SGCB: variants seen among roughly 807,000 people sequenced by gnomAD.
SGCB encodes the protein sarcoglycan beta.
A neutral mutation model predicts 27.3 loss-of-function variants in SGCB; 25 were observed. That is an observed-to-expected ratio of 0.92 (90% CI 0.67 to 1.28). The LOEUF is 1.28. Among genes scored for constraint, SGCB ranks in the 50% most tolerant of loss-of-function variants. The probability of loss-of-function intolerance (pLI) is 0.00; values close to 1 mark genes in which losing one functional copy is unlikely to be tolerated. For missense variants in SGCB, 436 were observed against 402.1 expected (o/e 1.08, Z -0.72); for synonymous variants, 147 against 133.5 (o/e 1.10, Z -0.70).
chr4:52,034,331 C>CAAAAAAAAAAAAAAAAAAA (rs541129158), intron 1 of SGCB, among the ~76,000 whole-genome samples: 1 of 26,516 alleles, frequency 3.8e-5, no homozygotes, highest in African/African-American at 1.4e-4. Flanking sequence ...GACTCCGTCT[C>CAAAAAAAAAAAAAAAAAAA]AAAAAAAAAA....
chr4:52,033,180 T>A (rs1427892393), intron 2 of SGCB, among the ~76,000 whole-genome samples: 1 of 152,208 alleles, frequency 6.6e-6, no homozygotes, highest in Non-Finnish European at 1.5e-5. Context: ...TTGAGCTAGG[T>A]GGGAGCCTCA....
Position 52,028,108 on chromosome 4 carries a change from T to G in SGCB, c.622-9A>C, listed in dbSNP as rs1263099101. The stretch of plus-strand genomic sequence containing the variant: ...GTAGCATTGCTGGTAATCTGAAAAT[T>G]TAAAAAACAAGTACTAAAAAGAGTT... On this transcript the variant is annotated splice_polypyrimidine_tract_variant and intron_variant, in intron 4 of 5. Coordinates refer to ENST00000381431, the MANE Select transcript of SGCB (RefSeq NM_000232.5). The G allele has an allele frequency of 6.2e-7, 1 of 1,605,322 alleles. No individual in the cohort carries two copies. The highest frequency in any genetic ancestry group is 2.2e-5 in the East Asian group (1 of 44,756).
chr4:52,024,153 C>T lies in SGCB; in HGVS notation c.761G>A (p.Ser254Asn). The change falls in exon 6 of 6, where the codon AGT becomes AAT. Residue 254 changes from serine (S) to asparagine (N), a missense_variant. Physicochemically the swap from Ser to Asn is conservative, Grantham distance 46. Coordinates refer to ENST00000381431, the MANE Select transcript of SGCB (RefSeq NM_000232.5). ...CATCACAGATCCATTTAGGATGATA[C>T]TGTTTTCCTATTAGGAGAATAGTAA... ...GGNMELKAEN[S>N]IILNGSVMVS... The T allele has an allele frequency of 6.2e-7, 1 of 1,613,010 alleles. No individual in the cohort carries two copies. The highest frequency in any genetic ancestry group is 8.5e-7 in the Non-Finnish European group (1 of 1,179,272).
chr4:52,023,921 C>G lies in SGCB; in HGVS notation c.*36G>C, dbSNP rs1397031755. On this transcript the variant is annotated 3_prime_UTR_variant, in exon 6 of 6. Coordinates refer to ENST00000381431, the MANE Select transcript of SGCB (RefSeq NM_000232.5). ...ATTTGCATGCATAAAAAAGTCAAGT[C>G]AAGATATAAACATGTTGGTGACCTC... 6.4e-7 allele frequency: 1 copy of G among 1,561,382 alleles called. No homozygotes were observed. The highest frequency in any genetic ancestry group is 1.4e-5 in the African/African-American group (1 of 73,874).
intron 2 of SGCB, among the ~76,000 whole-genome samples, chr4:52,030,609 C>A (rs1388929242): frequency 6.6e-6 from 1 of 152,146 alleles, no homozygotes; most frequent in Non-Finnish European, 1.5e-5. Context: ...TATATTAGTT[C>A]TATTTTTCTC....
intron 3 of SGCB, 27 bp downstream of exon 3, chr4:52,029,651 T>C (rs371817772): frequency 1.3e-5 from 20 of 1,540,428 alleles, no homozygotes; most frequent in South Asian, 2.2e-5. Flanking sequence ...CCTGTTTGCA[T>C]TTCTTTCAGT....
chr4:52,022,182 T>C lies in SGCB; in HGVS notation c.*1775A>G, dbSNP rs1736967256. 1 of 152,238 alleles carries C rather than the reference T, an allele frequency of 6.6e-6. No individual in the cohort carries two copies. Among genetic ancestry groups the C allele is most frequent in the Non-Finnish European group, 1.5e-5 (1 of 68,036 alleles). The allele number at this position is 152,238 out of a possible 1,614,324, so 9.4% of individuals were successfully genotyped here. On this transcript the variant is annotated 3_prime_UTR_variant, in exon 6 of 6. Transcript: ENST00000381431. ...GTGGTTATAAATCTCATTCTTTTCA[T>C]TTAAAAACAGCGCTCAGTGTTAGGT... is the stretch of plus-strand genomic sequence containing the variant.
rs1239500873 is a variant in SGCB, at chr4:52,023,611, C to T, written c.*346G>A. On this transcript the variant is annotated 3_prime_UTR_variant, in exon 6 of 6. Transcript: ENST00000381431. Reference sequence around the variant, plus strand: ...AGTGGGTCTATCCCCATTAGAGTTACCAAAGTTTACTTACAGTGAATCTAA... The same window carrying T: ...AGTGGGTCTATCCCCATTAGAGTTATCAAAGTTTACTTACAGTGAATCTAA... The T allele has an allele frequency of 1.0e-5, 3 of 288,652 alleles. No homozygotes were observed. The highest frequency in any genetic ancestry group is 6.7e-5 in the African/African-American group (3 of 45,036). The allele number at this position is 288,652 out of a possible 1,614,324, so 17.9% of individuals were successfully genotyped here.
At chr4:52,031,863 ACC>A (rs1429839519) in intron 2 of SGCB, 7 of 454,912 alleles carry the variant, frequency 1.5e-5, no homozygotes, top group African/African-American at 1.4e-4. Context: ...TGGCTTTTTC[ACC>A]GGGACTTGCC....
At chr4:52,026,022 G>A (rs1331666087) in intron 5 of SGCB, among the ~76,000 whole-genome samples, 1 of 152,150 alleles carries the variant, frequency 6.6e-6, no homozygotes, top group Admixed American at 6.5e-5. Context: ...TCTTAGTTCA[G>A]AGGAGAGGTT....
At chr4:52,035,641 CAGTA>C (rs986115620) in intron 1 of SGCB, among the ~76,000 whole-genome samples, 3 of 152,016 alleles carry the variant, frequency 2.0e-5, no homozygotes, top group African/African-American at 7.3e-5. Flanking sequence ...AGAGGAGTAC[CAGTA>C]AGTAAGCTGC....
At chr4:52,037,665 G>A (rs1737431396) in intron 1 of SGCB, among the ~76,000 whole-genome samples, 1 of 152,096 alleles carries the variant, frequency 6.6e-6, no homozygotes, top group South Asian at 2.1e-4. Flanking sequence ...AGGAAATCTT[G>A]GATAAATCAT....
At chr4:52,036,407 A>G (rs2109378894) in intron 1 of SGCB, among the ~76,000 whole-genome samples, 1 of 152,354 alleles carries the variant, frequency 6.6e-6, no homozygotes, top group Non-Finnish European at 1.5e-5. Flanking sequence ...AGTAAGCAAC[A>G]TAAATACCAT....
chr4:52,038,177 C>G lies in SGCB; in HGVS notation c.33+50G>C, dbSNP rs1280942314. On this transcript the variant is annotated intron_variant, in intron 1 of 5. Coordinates refer to ENST00000381431, the MANE Select transcript of SGCB (RefSeq NM_000232.5). Reference sequence around the variant, plus strand: ...GCTCCCGCGGGCCCAGCCGGCAGGACGCGGCCTCCCCCGCTCCTCCAGCCC... The same window carrying G: ...GCTCCCGCGGGCCCAGCCGGCAGGAGGCGGCCTCCCCCGCTCCTCCAGCCC... 4 of 1,186,572 alleles carry G rather than the reference C, an allele frequency of 3.4e-6. No homozygotes were observed. The African/African-American group carries it at 6.4e-5, about 19-fold the overall frequency. 73.5% of individuals were successfully genotyped at this position (1,186,572 alleles called of 1,614,324 possible). A position where few individuals can be genotyped will look rare whatever the true frequency, so the allele number is the denominator to read the frequency against.
Position 52,038,178 on chromosome 4 carries a change from G to A in SGCB, c.33+49C>T. ...CTCCCGCGGGCCCAGCCGGCAGGACGCGGCCTCCCCCGCTCCTCCAGCCCG... is the reference window on the plus strand; with the variant it reads ...CTCCCGCGGGCCCAGCCGGCAGGACACGGCCTCCCCCGCTCCTCCAGCCCG... On this transcript the variant is annotated intron_variant, in intron 1 of 5. Transcript: ENST00000381431. The A allele has an allele frequency of 5.1e-6, 6 of 1,182,412 alleles. No individual in the cohort carries two copies. The South Asian group carries it at 1.2e-4, about 24-fold the overall frequency. The allele number at this position is 1,182,412 out of a possible 1,614,324, so 73.2% of individuals were successfully genotyped here.
At chr4:52,038,098 C>CAG in intron 1 of SGCB, 129 bp downstream of exon 1, 1 of 193,908 alleles carries the variant, frequency 5.2e-6, no homozygotes, top group Non-Finnish European at 9.0e-6. Context: ...CCGCCCCGAT[C>CAG]GGCCCCGCCG....
chr4:52,032,711 A>G (rs1426813770), intron 2 of SGCB, among the ~76,000 whole-genome samples: 1 of 152,222 alleles, frequency 6.6e-6, no homozygotes, highest in African/African-American at 2.4e-5. Flanking sequence ...ACACAAAAAG[A>G]ATCACTTCAA....
Position 52,024,138 on chromosome 4 carries a change from C to T in SGCB, c.776G>A (p.Gly259Glu). The T allele has an allele frequency of 6.2e-7, 1 of 1,613,792 alleles. No individual in the cohort carries two copies. The highest frequency in any genetic ancestry group is 8.5e-7 in the Non-Finnish European group (1 of 1,179,874). ...GCGGGTGGTGCTGACCATCACAGAT[C>T]CATTTAGGATGATACTGTTTTCCTA... is the stretch of plus-strand genomic sequence containing the variant. ...LKAENSIILN[G>E]SVMVSTTRLP... The change falls in exon 6 of 6, where the codon GGA becomes GAA. Residue 259 changes from glycine to glutamate, a missense_variant. By Grantham distance (98) the Gly-to-Glu change is moderately conservative (BLOSUM62 -2). Transcript: ENST00000381431.
At chr4:52,038,127 C>T (rs1737448037) in intron 1 of SGCB, 100 bp downstream of exon 1, 7 of 1,083,894 alleles carry the variant, frequency 6.5e-6, no homozygotes, top group Non-Finnish European at 7.9e-6. Flanking sequence ...CCCTGCGGCC[C>T]GCGCCCCCCG....
Sources: allele counts gnomAD v4.1 joint callset (sites outside exome capture counted in the v4.1 genomes callset), GRCh38; gene constraint gnomAD v4.1.1; transcripts MANE v1.5; gene names NCBI Gene and HGNC (gene_info 2026-07-23, HGNC 2026-07-21).